WDR47: variants seen among roughly 807,000 people sequenced by gnomAD.
The protein encoded by WDR47 is WD repeat domain 47, also known as WD repeat-containing protein 47.
Under a neutral mutation model 97.2 loss-of-function variants are expected in WDR47, and 32 were observed. That is an observed-to-expected ratio of 0.33 (90% confidence interval 0.25 to 0.44). The LOEUF is 0.44. Among genes scored for constraint, WDR47 ranks in the 20% least tolerant of loss-of-function variants. The pLI, the probability that WDR47 is intolerant of heterozygous loss-of-function variation, is 1.00. For synonymous variants in WDR47, 375 were observed against 373.5 expected (o/e 1.00, Z -0.05); for missense variants, 782 against 1,102.3 (o/e 0.71, Z 4.11).
chr1:109,019,812 T>C (rs1661687142), intron 2 of WDR47, among the ~76,000 whole-genome samples: 3 of 152,208 alleles, frequency 2.0e-5, no homozygotes, highest in African/African-American at 7.2e-5. Flanking sequence ...TATCCAAAAG[T>C]TACAAGGCAT....
At chr1:109,017,263 T>C (rs942510818) in intron 3 of WDR47, among the ~76,000 whole-genome samples, 2 of 152,058 alleles carry the variant, frequency 1.3e-5, no homozygotes, top group African/African-American at 4.8e-5. Flanking sequence ...TTAGCTAGGC[T>C]GATGGTACAC....
intron 5 of WDR47, among the ~76,000 whole-genome samples, chr1:109,009,251 G>A (rs1263274762): frequency 6.6e-6 from 1 of 151,978 alleles, no homozygotes; most frequent in Non-Finnish European, 1.5e-5. Context: ...ATTTCATTGC[G>A]CCAACTCTAA....
chr1:108,972,271 T>C (rs764614749), intron 14 of WDR47, among the ~76,000 whole-genome samples: 11 of 152,044 alleles, frequency 7.2e-5, no homozygotes, highest in Non-Finnish European at 1.6e-4. Flanking sequence ...AATTTAGTCA[T>C]TTCTTACTAC....
chr1:108,993,089 T>C (rs537029114), intron 8 of WDR47, among the ~76,000 whole-genome samples: 1 of 151,992 alleles, frequency 6.6e-6, no homozygotes, highest in African/African-American at 2.4e-5. Context: ...GAAGGAGCAA[T>C]AGGCCTCACC....
At chr1:108,978,933 C>T (rs567186649) in intron 13 of WDR47, among the ~76,000 whole-genome samples, 24 of 152,112 alleles carry the variant, frequency 1.6e-4, no homozygotes, top group Non-Finnish European at 7.4e-5. Context: ...TATATATAGG[C>T]AAGACTTTTG....
intron 1 of WDR47, among the ~76,000 whole-genome samples, chr1:109,035,555 T>C (rs1662889473): frequency 6.6e-6 from 1 of 151,330 alleles, no homozygotes; most frequent in Non-Finnish European, 1.5e-5. Flanking sequence ...TGGAGTGCAG[T>C]GGCGCAATCT....
chr1:109,039,138 G>T (rs1355837314), intron 1 of WDR47, among the ~76,000 whole-genome samples: 1 of 152,154 alleles, frequency 6.6e-6, no homozygotes, highest in Non-Finnish European at 1.5e-5. Context: ...TGAGTGATGA[G>T]CATTTACTAT....
At chr1:109,039,787 C>T (rs1053202954) in intron 1 of WDR47, among the ~76,000 whole-genome samples, 1 of 151,792 alleles carries the variant, frequency 6.6e-6, no homozygotes, top group African/African-American at 2.4e-5. Flanking sequence ...CTTGTAATCC[C>T]AACATTGCGA....
intron 10 of WDR47, among the ~76,000 whole-genome samples, chr1:108,984,832 C>T (rs941651441): frequency 1.3e-5 from 2 of 152,056 alleles, no homozygotes; most frequent in Admixed American, 6.6e-5. Flanking sequence ...GAGCTGAGGT[C>T]GTGCCAGTGC....
chr1:109,037,365 G>T (rs967237439), intron 1 of WDR47, among the ~76,000 whole-genome samples: 1 of 150,834 alleles, frequency 6.6e-6, no homozygotes, highest in South Asian at 2.1e-4. Context: ...AAGACTGGGC[G>T]TGGTGGCTCA....
intron 9 of WDR47, among the ~76,000 whole-genome samples, chr1:108,988,141 A>G (rs991098232): frequency 7.8e-6 from 1 of 128,270 alleles, no homozygotes; most frequent in Non-Finnish European, 1.6e-5. Context: ...GCTACTTGGG[A>G]GGCTGAGGTG....
chr1:109,025,408 G>A (rs1477879074), intron 1 of WDR47, among the ~76,000 whole-genome samples: 2 of 148,336 alleles, frequency 1.3e-5, no homozygotes, highest in Non-Finnish European at 3.0e-5. Context: ...TCCAGCCTGG[G>A]CGGTAGCGTG....
intron 12 of WDR47, among the ~76,000 whole-genome samples, chr1:108,982,175 C>T (rs1350291215): frequency 6.6e-6 from 1 of 152,080 alleles, no homozygotes; most frequent in African/African-American, 2.4e-5. Flanking sequence ...AGAGATTTTT[C>T]ACATTTATCA....
chr1:109,024,255 C>T (rs1662049727), intron 1 of WDR47, among the ~76,000 whole-genome samples: 1 of 152,048 alleles, frequency 6.6e-6, no homozygotes, highest in Non-Finnish European at 1.5e-5. Context: ...AGTTCGAGAC[C>T]AGCCTGGGAA....
At chr1:109,039,045 G>A (rs970749777) in intron 1 of WDR47, among the ~76,000 whole-genome samples, 1 of 152,024 alleles carries the variant, frequency 6.6e-6, no homozygotes, top group Non-Finnish European at 1.5e-5. Flanking sequence ...GATCAATTAT[G>A]TTAAACATAC....
At chr1:109,017,652 T>TA in intron 2 of WDR47, 51 bp from the exon 3 acceptor site, 1 of 1,438,652 alleles carries the variant, frequency 7.0e-7, no homozygotes. Context: ...CAGGTTATAC[T>TA]AATTAAAAGC....
At chr1:109,023,610 T>C (rs1249399422) in intron 1 of WDR47, 89 bp from the exon 2 acceptor site, 8 of 1,338,718 alleles carry the variant, frequency 6.0e-6, no homozygotes, top group Non-Finnish European at 8.2e-6. Flanking sequence ...ACAGGTTTAC[T>C]GGGAATCTTT....
chr1:108,990,353 C>T (rs947837874), intron 9 of WDR47, among the ~76,000 whole-genome samples: 9 of 151,972 alleles, frequency 5.9e-5, no homozygotes, highest in Non-Finnish European at 1.2e-4. Context: ...GCATTACAGG[C>T]GTGAACCACT....
At chr1:108,991,538 G>C (rs1659349304) in intron 8 of WDR47, among the ~76,000 whole-genome samples, 1 of 152,136 alleles carries the variant, frequency 6.6e-6, no homozygotes, top group African/African-American at 2.4e-5. Flanking sequence ...ATTCTGGAAA[G>C]AAAATTAAGT....
Sources: gnomAD v4.1 joint callset for allele counts (sites outside exome capture counted in the v4.1 genomes callset) on GRCh38, gnomAD v4.1.1 for gene constraint, MANE v1.5 for transcripts, NCBI Gene and HGNC (gene_info 2026-07-23, HGNC 2026-07-21) for gene names.